The following RIT2 variants were observed in gnomAD, a reference collection of about 807,000 sequenced individuals.
The protein encoded by RIT2 is GTP-binding protein Rit2.
RIT2 carries 24 observed loss-of-function variants against 23.7 expected under a neutral mutation model. The ratio of observed to expected loss-of-function variants is 1.01; its 90% CI spans 0.73 to 1.43. The LOEUF is 1.43. Ranked by LOEUF, RIT2 falls within the 40% of genes most tolerant of loss-of-function variation. The probability of loss-of-function intolerance (pLI) is 0.00; values close to 1 mark genes in which losing one functional copy is unlikely to be tolerated. For synonymous variants in RIT2, 107 were observed against 91.1 expected, an observed-to-expected ratio of 1.17 and a Z score of -0.99; for missense variants, 236 against 266.9, an observed-to-expected ratio of 0.88 and a Z score of 0.81.
intron 4 of RIT2, among the ~76,000 whole-genome samples, chr18:42,806,802 C>T (rs544866389): frequency 1.0e-3 from 154 of 152,320 alleles, no homozygotes; most frequent in Admixed American, 3.0e-3. Flanking sequence ...TAAATGATTA[C>T]TGCATTTGCA....
At chr18:42,990,634 AT>A (rs1323962582) in intron 2 of RIT2, among the ~76,000 whole-genome samples, 4 of 152,176 alleles carry the variant, frequency 2.6e-5, no homozygotes, top group African/African-American at 9.7e-5. Flanking sequence ...TCATCTTTGT[AT>A]ATTCATTTTC....
intron 4 of RIT2, among the ~76,000 whole-genome samples, chr18:42,743,999 G>A (rs1912859764): frequency 6.6e-6 from 1 of 152,150 alleles, no homozygotes; most frequent in South Asian, 2.1e-4. Flanking sequence ...CAGAAAAGAA[G>A]TGAAAATGGT....
intron 4 of RIT2, among the ~76,000 whole-genome samples, chr18:42,860,513 T>A (rs532642688): frequency 3.6e-4 from 55 of 152,212 alleles, no homozygotes; most frequent in Admixed American, 2.0e-3. Flanking sequence ...TTAGACATCC[T>A]TACTTCAACA....
intron 4 of RIT2, among the ~76,000 whole-genome samples, chr18:42,755,369 AGTT>A (rs1913138257): frequency 6.6e-6 from 1 of 152,022 alleles, no homozygotes; most frequent in Non-Finnish European, 1.5e-5. Flanking sequence ...AAGTATTTGC[AGTT>A]GTTGTTTCCT....
intron 4 of RIT2, among the ~76,000 whole-genome samples, chr18:42,777,546 A>G (rs1413701581): frequency 1.3e-5 from 2 of 152,194 alleles, no homozygotes; most frequent in Non-Finnish European, 2.9e-5. Flanking sequence ...TTCAAAGGAA[A>G]AAAGTGATCA....
chr18:43,030,776 C>T lies in RIT2; in HGVS notation c.160+3035G>A, dbSNP rs188883752. Among the ~76,000 whole-genome samples the T allele has an allele frequency of 4.7e-3, 709 of 152,096 alleles. 3 individuals are homozygous for T. Among genetic ancestry groups the T allele is most frequent in the Middle Eastern group, 0.017 (5 of 294 alleles). On this transcript the variant is annotated intron_variant, in intron 2 of 4. Transcript: ENST00000326695. ...GTTTAAATAGGTATCATGAATTATT[C>T]ATGGGTTTCTGGTATGAGATGCTGG... is the stretch of plus-strand genomic sequence containing the variant.
intron 3 of RIT2, among the ~76,000 whole-genome samples, chr18:42,956,521 C>A (rs1293063036): frequency 2.0e-5 from 3 of 152,082 alleles, no homozygotes; most frequent in Non-Finnish European, 4.4e-5. Flanking sequence ...TGCTCCATTT[C>A]GTCGGTTTGA....
At chr18:42,974,215 A>G in intron 2 of RIT2, 68 bp from the exon 3 acceptor site, 1 of 1,023,844 alleles carries the variant, frequency 9.8e-7, no homozygotes, top group South Asian at 1.4e-5. Flanking sequence ...TTTAGATTTC[A>G]TATAGAAGAA....
At chr18:43,109,341 T>C (rs1216334536) in intron 1 of RIT2, among the ~76,000 whole-genome samples, 1 of 152,224 alleles carries the variant, frequency 6.6e-6, no homozygotes, top group Admixed American at 6.5e-5. Flanking sequence ...TTGTGTTGTG[T>C]AACTTTTTCA....
chr18:43,113,905 C>T (rs901239306), intron 1 of RIT2, among the ~76,000 whole-genome samples: 3 of 152,058 alleles, frequency 2.0e-5, no homozygotes, highest in Non-Finnish European at 2.9e-5. Context: ...CTGTTTTTCT[C>T]TCTTCTTCAG....
At chr18:43,029,014 A>G (rs936448283) in intron 2 of RIT2, among the ~76,000 whole-genome samples, 1 of 152,092 alleles carries the variant, frequency 6.6e-6, no homozygotes, top group African/African-American at 2.4e-5. Flanking sequence ...TCTAACAGCC[A>G]TTGAGCACGA....
intron 2 of RIT2, among the ~76,000 whole-genome samples, chr18:43,023,585 G>A (rs1911644957): frequency 1.3e-5 from 2 of 151,986 alleles, no homozygotes; most frequent in Non-Finnish European, 2.9e-5. Flanking sequence ...TTATAGATGA[G>A]GAAAGACCAG....
rs145776005 is a variant in RIT2 at position 42,750,543 on chromosome 18, A to T, written c.427-6823T>A. Among the ~76,000 whole-genome samples, 214 of 152,002 alleles carry T rather than the reference A, an allele frequency of 1.4e-3. 1 individual carries two copies. The highest frequency in any genetic ancestry group is 4.9e-3 in the African/African-American group (203 of 41,558). ...CCAGTATAGTAATATTTCCGTAGCT[A>T]AATATTGCAACATTCACAGCAAATA... On this transcript the variant is annotated intron_variant, in intron 4 of 4. Coordinates refer to ENST00000326695, the MANE Select transcript of RIT2 (RefSeq NM_002930.4).
At chr18:43,032,858 C>T (rs8096245) in intron 2 of RIT2, among the ~76,000 whole-genome samples, 37,469 of 152,004 alleles carry the variant, frequency 0.25, 5,111 homozygotes, top group East Asian at 0.42. Flanking sequence ...CAGCATACCA[C>T]TTAATATATC....
chr18:42,780,057 T>TTTTG lies in RIT2; in HGVS notation c.427-36338_427-36337insCAAA, dbSNP rs1555637076. The stretch of plus-strand genomic sequence containing the variant: ...AGTCTCAATTTAGAGGTTTTTTTTT[T>TTTTG]TTTTTTTTTTTTTTTTTGCCAAGGT... On this transcript the variant is annotated intron_variant, in intron 4 of 4. Coordinates refer to ENST00000326695, the MANE Select transcript of RIT2 (RefSeq NM_002930.4). Among the ~76,000 whole-genome samples the TTTTG allele has an allele frequency of 8.9e-5, 12 of 135,140 alleles. 1 individual carries two copies. Among genetic ancestry groups the TTTTG allele is most frequent in the African/African-American group, 3.3e-4 (12 of 36,848 alleles). The allele number at this position is 135,140 out of a possible 152,430, so 88.7% of individuals were successfully genotyped here. A position where few individuals can be genotyped will look rare whatever the true frequency, so the allele number is the denominator to read the frequency against.
chr18:42,846,787 T>C lies in RIT2; in HGVS notation c.426+76785A>G, dbSNP rs1906921720. Among the ~76,000 whole-genome samples, 4 of 152,160 alleles carry C rather than the reference T, an allele frequency of 2.6e-5. No individual in the cohort carries two copies. In the South Asian group the frequency reaches 8.3e-4, roughly 31 times the overall value. The stretch of plus-strand genomic sequence containing the variant: ...GATAAAAAGGAACGCTTCAAATTTA[T>C]AAGAAGTATTTATAAAAATTCCAGA... On this transcript the variant is annotated intron_variant, in intron 4 of 4. Coordinates refer to ENST00000326695, the MANE Select transcript of RIT2 (RefSeq NM_002930.4).
chr18:42,855,685 A>T (rs1461140633), intron 4 of RIT2, among the ~76,000 whole-genome samples: 2 of 152,208 alleles, frequency 1.3e-5, no homozygotes, highest in Non-Finnish European at 2.9e-5. Flanking sequence ...CAAAAAGTTC[A>T]CAAAGTCTAG....
chr18:42,778,886 G>A (rs1913741162), intron 4 of RIT2, among the ~76,000 whole-genome samples: 1 of 152,164 alleles, frequency 6.6e-6, no homozygotes, highest in South Asian at 2.1e-4. Context: ...CTGCTTGTCA[G>A]TTGCAGCTCT....
intron 4 of RIT2, among the ~76,000 whole-genome samples, chr18:42,818,183 A>G (rs549222096): frequency 1.8e-4 from 27 of 152,070 alleles, no homozygotes; most frequent in Non-Finnish European, 3.5e-4. Context: ...TGTTATAGAT[A>G]TGAGTTACTA....
Sources: allele counts gnomAD v4.1 joint callset (sites outside exome capture counted in the v4.1 genomes callset), GRCh38; gene constraint gnomAD v4.1.1; transcripts MANE v1.5; gene names NCBI Gene and HGNC (gene_info 2026-07-23, HGNC 2026-07-21).